Variants in SLIT3 observed in about 807,000 individuals in gnomAD.
SLIT3 encodes slit guidance ligand 3.
SLIT3 carries 68 observed loss-of-function variants against 184.0 expected under a neutral mutation model. The observed-to-expected ratio is 0.37, with a 90% CI of 0.30 to 0.45. SLIT3 has a LOEUF of 0.45. Ranked by LOEUF, SLIT3 falls within the 20% of genes least tolerant of loss-of-function variation. The probability of loss-of-function intolerance (pLI) is 1.00; values close to 1 mark genes in which losing one functional copy is unlikely to be tolerated. For synonymous variants in SLIT3, 831 were observed against 828.6 expected (o/e 1.00, Z -0.05); for missense variants, 1,707 against 2,026.0 (o/e 0.84, Z 3.02).
intron 10 of SLIT3, among the ~76,000 whole-genome samples, chr5:168,792,976 T>C (rs1756433074): frequency 6.6e-6 from 1 of 152,246 alleles, no homozygotes; most frequent in Non-Finnish European, 1.5e-5. Flanking sequence ...TCAGCCTATG[T>C]GTGTGAGGTA....
intron 4 of SLIT3, chr5:169,030,415 T>G (rs1164592382): frequency 6.6e-6 from 1 of 152,232 alleles, no homozygotes; most frequent in Non-Finnish European, 1.5e-5. Flanking sequence ...TCAGAGATTT[T>G]GTGACCTACC....
chr5:168,667,082 G>T (rs534458914), intron 35 of SLIT3, among the ~76,000 whole-genome samples: 2 of 152,202 alleles, frequency 1.3e-5, no homozygotes, highest in Non-Finnish European at 2.9e-5. Flanking sequence ...CAAAAAGCAG[G>T]AGATTTCACC....
At chr5:169,005,562 C>G (rs567515258) in intron 4 of SLIT3, among the ~76,000 whole-genome samples, 1 of 152,254 alleles carries the variant, frequency 6.6e-6, no homozygotes, top group South Asian at 2.1e-4. Flanking sequence ...ACATTCAACT[C>G]AGTTTAACAC....
At position 169,300,099 on chromosome 5, in the gene SLIT3, G is replaced by C. The variant is rs1767634607; in HGVS notation, c.197+414C>G. ...TCAACAGTCTCGGGCCCTCTCTCCC[G>C]CCTCCGCGCCTTGACGGCCCATCAT... On this transcript the variant is annotated intron_variant, in intron 1 of 35. Coordinates refer to ENST00000519560, the MANE Select transcript of SLIT3 (RefSeq NM_003062.4). This position sits in a 1 kb window ranked among gnomAD's most constrained non-coding sequence, Gnocchi z 4.1. 6.6e-6 allele frequency among the ~76,000 whole-genome samples: 1 copy of C among 152,196 alleles called. No individual in the cohort carries two copies. The highest frequency in any genetic ancestry group is 1.5e-5 in the Non-Finnish European group (1 of 68,036).
chr5:168,728,939 A>AC (rs1763216040), intron 20 of SLIT3, among the ~76,000 whole-genome samples: 2 of 149,624 alleles, frequency 1.3e-5, no homozygotes, highest in African/African-American at 4.9e-5. Flanking sequence ...AAAGAAACAA[A>AC]AAAAAAAGCC....
intron 4 of SLIT3, among the ~76,000 whole-genome samples, chr5:169,139,083 G>A (rs1046317653): frequency 6.6e-6 from 1 of 152,190 alleles, no homozygotes; most frequent in Non-Finnish European, 1.5e-5. Context: ...CAAGACTGGA[G>A]ACAAGTCCTC....
At chr5:169,128,198 T>C (rs1046015511) in intron 4 of SLIT3, among the ~76,000 whole-genome samples, 1 of 149,632 alleles carries the variant, frequency 6.7e-6, no homozygotes, top group African/African-American at 2.4e-5. Flanking sequence ...AAAATGTCAA[T>C]AATTTTCTTT....
At chr5:168,997,554 G>A (rs138528358) in intron 4 of SLIT3, among the ~76,000 whole-genome samples, 4 of 152,282 alleles carry the variant, frequency 2.6e-5, no homozygotes, top group African/African-American at 7.2e-5. Flanking sequence ...TCATGGCCGC[G>A]TGGCTTTCTA....
Position 168,900,549 on chromosome 5 carries a change from A to C in SLIT3, c.414-17213T>G, listed in dbSNP as rs567517399. 1.1e-4 allele frequency among the ~76,000 whole-genome samples: 17 copies of C among 152,328 alleles called. No individual in the cohort carries two copies. In the East Asian group the frequency reaches 2.5e-3, roughly 22 times the overall value. ...AGAATTGCTTGAACCTGGGAGGCGG[A>C]GGTTGCAGTGAGCCTAGATTGTGCC... On this transcript the variant is annotated intron_variant, in intron 4 of 35. Coordinates refer to ENST00000519560, the MANE Select transcript of SLIT3 (RefSeq NM_003062.4).
At chr5:169,198,673 C>G (rs1763815183) in intron 3 of SLIT3, among the ~76,000 whole-genome samples, 1 of 152,114 alleles carries the variant, frequency 6.6e-6, no homozygotes, top group African/African-American at 2.4e-5. Flanking sequence ...GTGGCTCATG[C>G]CTGTAATCCC....
intron 4 of SLIT3, among the ~76,000 whole-genome samples, chr5:168,965,716 T>G (rs1763162519): frequency 6.6e-6 from 1 of 152,232 alleles, no homozygotes; most frequent in Non-Finnish European, 1.5e-5. Flanking sequence ...CAATGACACC[T>G]AAAAGTTTAC....
At chr5:168,735,711 C>T (rs1184387475) in intron 20 of SLIT3, among the ~76,000 whole-genome samples, 1 of 148,526 alleles carries the variant, frequency 6.7e-6, no homozygotes, top group African/African-American at 2.5e-5. Flanking sequence ...CACACATCTC[C>T]ATCCAATAAT....
intron 4 of SLIT3, among the ~76,000 whole-genome samples, chr5:169,019,203 G>T (rs1274765277): frequency 6.6e-6 from 1 of 152,240 alleles, no homozygotes; most frequent in East Asian, 1.9e-4. Context: ...TCTCTTGCCA[G>T]TGCAAACACT....
Position 169,167,189 on chromosome 5 carries a change from C to CAAAAACA in SLIT3, c.413+26289_413+26290insTGTTTTT, listed in dbSNP as rs34820686. On this transcript the variant is annotated intron_variant, in intron 4 of 35. Coordinates refer to ENST00000519560, the MANE Select transcript of SLIT3 (RefSeq NM_003062.4). ...TGTCTCTTAAAAACAAAAACAAAAA[C>CAAAAACA]AAAACAAAACAAAAAAAACCGATGA... Among the ~76,000 whole-genome samples the CAAAAACA allele has an allele frequency of 1.1e-4, 16 of 146,714 alleles. No individual in the cohort carries two copies. In the South Asian group the frequency reaches 1.1e-3, roughly 10 times the overall value.
At chr5:168,894,715 G>T (rs1427855857) in intron 4 of SLIT3, among the ~76,000 whole-genome samples, 1 of 152,208 alleles carries the variant, frequency 6.6e-6, no homozygotes, top group Admixed American at 6.5e-5. Flanking sequence ...ATTAAACCTG[G>T]CCTGAGAGGG....
intron 3 of SLIT3, among the ~76,000 whole-genome samples, chr5:169,244,146 G>A (rs538497822): frequency 1.2e-4 from 18 of 152,202 alleles, no homozygotes; most frequent in South Asian, 4.1e-4. Flanking sequence ...TTAAACCACT[G>A]GCAATGCATT....
chr5:168,768,817 T>C (rs1755441008), intron 14 of SLIT3, among the ~76,000 whole-genome samples: 1 of 152,144 alleles, frequency 6.6e-6, no homozygotes, highest in African/African-American at 2.4e-5. Flanking sequence ...CTTTATATCC[T>C]TTGAGGTCAG....
At chr5:169,176,290 C>T (rs981562835) in intron 4 of SLIT3, among the ~76,000 whole-genome samples, 31 of 152,148 alleles carry the variant, frequency 2.0e-4, no homozygotes, top group African/African-American at 7.5e-4. Flanking sequence ...GTGAGGTTTA[C>T]CTGAAAGAAG....
At chr5:169,034,743 A>G (rs1418401150) in intron 4 of SLIT3, among the ~76,000 whole-genome samples, 2 of 148,028 alleles carry the variant, frequency 1.4e-5, no homozygotes, top group East Asian at 2.2e-4. Flanking sequence ...AACATTTCCT[A>G]TGATTTTTTT....
Sources: allele counts gnomAD v4.1 joint callset (sites outside exome capture counted in the v4.1 genomes callset), GRCh38; gene constraint gnomAD v4.1.1; non-coding constraint Gnocchi (gnomAD v3.1); transcripts MANE v1.5; gene names NCBI Gene and HGNC (gene_info 2026-07-23, HGNC 2026-07-21).